Variants in MACROD2 observed in about 807,000 individuals in gnomAD.
The protein encoded by MACROD2 is mono-ADP ribosylhydrolase 2, also known as ADP-ribose glycohydrolase MACROD2.
A neutral mutation model predicts 70.4 loss-of-function variants in MACROD2; 36 were observed. The observed-to-expected ratio is 0.51, with a 90% confidence interval of 0.39 to 0.68. MACROD2 has a LOEUF of 0.68. Among genes scored for constraint, MACROD2 ranks in the 30% least tolerant of loss-of-function variants. MACROD2 has a pLI of 0.00. For missense variants in MACROD2, 496 were observed against 538.4 expected (o/e 0.92, Z 0.78); for synonymous variants, 172 against 178.8 (o/e 0.96, Z 0.30).
chr20:15,714,857 A>G (rs11700144), intron 8 of MACROD2, among the ~76,000 whole-genome samples: 14,340 of 152,212 alleles, frequency 0.094, 829 homozygotes, highest in Non-Finnish European at 0.13. Flanking sequence ...ATGTATAAAT[A>G]TATACTGTGT....
intron 8 of MACROD2, among the ~76,000 whole-genome samples, chr20:15,813,105 A>G (rs868549089): frequency 2.6e-5 from 4 of 152,078 alleles, no homozygotes; most frequent in African/African-American, 7.2e-5. Context: ...TCAGTGTAGA[A>G]CATATTCCTT....
At chr20:14,246,349 A>G (rs1380535252) in intron 3 of MACROD2, among the ~76,000 whole-genome samples, 1 of 152,192 alleles carries the variant, frequency 6.6e-6, no homozygotes. Context: ...GTATTGGAGT[A>G]TTAGATCAGG....
chr20:14,304,096 C>G (rs1353814857), intron 3 of MACROD2, among the ~76,000 whole-genome samples: 1 of 152,148 alleles, frequency 6.6e-6, no homozygotes, highest in African/African-American at 2.4e-5. Flanking sequence ...CCTTTCCATT[C>G]TCTTACTACT....
intron 10 of MACROD2, among the ~76,000 whole-genome samples, chr20:15,889,839 C>A (rs2064866517): frequency 6.6e-6 from 1 of 152,142 alleles, no homozygotes; most frequent in Non-Finnish European, 1.5e-5. Context: ...CCTGGCAAAT[C>A]TCCAGGTTTC....
chr20:14,447,375 T>A (rs1429887958), intron 3 of MACROD2, among the ~76,000 whole-genome samples: 1 of 152,184 alleles, frequency 6.6e-6, no homozygotes, highest in African/African-American at 2.4e-5. Flanking sequence ...AACAAGTGTA[T>A]TCAAAAGTCA....
At chr20:16,001,783 T>C (rs988589567) in intron 15 of MACROD2, among the ~76,000 whole-genome samples, 1 of 152,118 alleles carries the variant, frequency 6.6e-6, no homozygotes, top group Admixed American at 6.5e-5. Context: ...ACATAGTTCA[T>C]AAAGTAAAAA....
chr20:14,118,578 G>T (rs931136916), intron 3 of MACROD2, among the ~76,000 whole-genome samples: 1 of 152,138 alleles, frequency 6.6e-6, no homozygotes, highest in Admixed American at 6.5e-5. Context: ...ACAATGGAAG[G>T]CAGCTCCCTA....
chr20:14,954,661 AATATAC>A (rs1318740201), intron 5 of MACROD2, among the ~76,000 whole-genome samples: 3 of 128,482 alleles, frequency 2.3e-5, no homozygotes, highest in Non-Finnish European at 4.7e-5. Context: ...AATTTAGGTA[AATATAC>A]ATATAATATA....
intron 6 of MACROD2, among the ~76,000 whole-genome samples, chr20:15,294,971 G>T (rs1056367060): frequency 6.6e-6 from 1 of 152,172 alleles, no homozygotes; most frequent in Non-Finnish European, 1.5e-5. Flanking sequence ...TTGTGATATG[G>T]TTTGGCTGTG....
intron 5 of MACROD2, among the ~76,000 whole-genome samples, chr20:15,112,760 A>T (rs765828674): frequency 6.6e-6 from 1 of 152,170 alleles, no homozygotes; most frequent in African/African-American, 2.4e-5. Context: ...TTCCTAAACT[A>T]AAATTCTGTA....
intron 4 of MACROD2, among the ~76,000 whole-genome samples, chr20:14,674,916 A>G (rs1391027506): frequency 3.3e-5 from 5 of 152,206 alleles, no homozygotes; most frequent in Admixed American, 6.5e-5. Flanking sequence ...TTAAGTTACC[A>G]TCTTTTATTT....
intron 4 of MACROD2, among the ~76,000 whole-genome samples, chr20:14,590,515 T>G (rs965812113): frequency 6.6e-6 from 1 of 152,148 alleles, no homozygotes; most frequent in African/African-American, 2.4e-5. Context: ...AGGGTGAAAC[T>G]GCAAACAGAT....
chr20:15,956,343 C>G (rs1313226138), intron 12 of MACROD2, among the ~76,000 whole-genome samples: 1 of 152,152 alleles, frequency 6.6e-6, no homozygotes, highest in African/African-American at 2.4e-5. Context: ...CAAAGAGTTT[C>G]AGATTTTTAA....
chr20:15,406,385 C>T (rs1406208340), intron 6 of MACROD2, among the ~76,000 whole-genome samples: 1 of 152,190 alleles, frequency 6.6e-6, no homozygotes, highest in Non-Finnish European at 1.5e-5. Context: ...TGGCCCAAAG[C>T]TAAGCATGTT....
intron 3 of MACROD2, among the ~76,000 whole-genome samples, chr20:14,476,096 A>T (rs1445934812): frequency 6.6e-6 from 1 of 152,094 alleles, no homozygotes; most frequent in African/African-American, 2.4e-5. Context: ...TATCTGTCTG[A>T]TATATTCTTT....
chr20:14,169,294 A>G (rs912472671), intron 3 of MACROD2, among the ~76,000 whole-genome samples: 1 of 151,812 alleles, frequency 6.6e-6, no homozygotes, highest in African/African-American at 2.4e-5. Flanking sequence ...AAAACTTATC[A>G]ATTATACTTT....
intron 7 of MACROD2, among the ~76,000 whole-genome samples, chr20:15,437,299 C>T (rs2046439538): frequency 6.6e-6 from 1 of 151,918 alleles, no homozygotes; most frequent in African/African-American, 2.4e-5. Context: ...CTTCTGTGAC[C>T]CACATGTACA....
At chr20:14,013,341 T>C (rs2148618516) in intron 2 of MACROD2, among the ~76,000 whole-genome samples, 1 of 151,346 alleles carries the variant, frequency 6.6e-6, no homozygotes, top group East Asian at 2.0e-4. Context: ...GGTGCCATCT[T>C]GGCTCACTGC....
chr20:14,228,274 A>G (rs757595890), intron 3 of MACROD2, among the ~76,000 whole-genome samples: 1 of 151,962 alleles, frequency 6.6e-6, no homozygotes, highest in Non-Finnish European at 1.5e-5. Context: ...TGTGTTCTAT[A>G]TATCTTTATA....
Sources: allele counts gnomAD v4.1 joint callset (sites outside exome capture counted in the v4.1 genomes callset), GRCh38; gene constraint gnomAD v4.1.1; transcripts MANE v1.5; gene names NCBI Gene and HGNC (gene_info 2026-07-23, HGNC 2026-07-21).